PDSS2: variants seen among roughly 807,000 people sequenced by gnomAD.
PDSS2 encodes decaprenyl diphosphate synthase subunit 2, also known as all trans-polyprenyl-diphosphate synthase PDSS2.
PDSS2 carries 31 observed loss-of-function variants against 44.5 expected under a neutral mutation model. The ratio of observed to expected loss-of-function variants is 0.70; its 90% CI spans 0.52 to 0.94. The LOEUF is 0.94. PDSS2 is among the 40% of genes least tolerant of loss of function. The pLI, the probability that PDSS2 is intolerant of heterozygous loss-of-function variation, is 0.00. For missense variants in PDSS2, 452 were observed against 482.2 expected, an observed-to-expected ratio of 0.94 and a Z score of 0.59; for synonymous variants, 157 against 180.3, an observed-to-expected ratio of 0.87 and a Z score of 1.03.
rs775371289 is a variant in PDSS2, at chr6:107,225,135, TTTTATATATA to T, written c.703-12863_703-12854del. Among the ~76,000 whole-genome samples the T allele has an allele frequency of 5.2e-3, 189 of 36,454 alleles. 10 individuals carry two copies. The highest frequency in any genetic ancestry group is 0.017 in the South Asian group (13 of 746). The allele number at this position is 36,454 out of a possible 152,430, so 23.9% of individuals were successfully genotyped here. A position where few individuals can be genotyped will look rare whatever the true frequency, so the allele number is the denominator to read the frequency against. On this transcript the variant is annotated intron_variant, in intron 4 of 7. Transcript: ENST00000369037. ...GAAGGAAGCTTCACTATATATATATTTTTATATATATATATATATATATATATTTTTTTTT... is the reference window on the plus strand; with the variant it reads ...GAAGGAAGCTTCACTATATATATATTTATATATATATATATATTTTTTTTT...
intron 1 of PDSS2, 138 bp from the exon 2 acceptor site, chr6:107,334,470 A>T: frequency 1.3e-6 from 1 of 748,446 alleles, no homozygotes; most frequent in Non-Finnish European, 2.3e-6. Context: ...GTCAGGGAGG[A>T]AAATTAATGT....
chr6:107,171,964 C>T (rs527686580), intron 7 of PDSS2, among the ~76,000 whole-genome samples: 9 of 150,414 alleles, frequency 6.0e-5, no homozygotes, highest in East Asian at 1.9e-4. Context: ...ACAATAAATA[C>T]GAAAGGTGAA....
chr6:107,277,452 T>C (rs1204515532), intron 2 of PDSS2, among the ~76,000 whole-genome samples: 1 of 152,216 alleles, frequency 6.6e-6, no homozygotes, highest in Non-Finnish European at 1.5e-5. Context: ...GTCTATATTT[T>C]ACACATGCAA....
intron 1 of PDSS2, among the ~76,000 whole-genome samples, chr6:107,383,734 A>C (rs1779523806): frequency 6.6e-6 from 1 of 152,252 alleles, no homozygotes; most frequent in African/African-American, 2.4e-5. Context: ...AGCCACAATG[A>C]CACCAATTTA....
Position 107,444,831 on chromosome 6 carries a change from C to G in PDSS2, c.296+14159G>C, listed in dbSNP as rs59323012. Among the ~76,000 whole-genome samples the G allele has an allele frequency of 8.9e-3, 1,354 of 152,226 alleles. 51 individuals carry two copies. The East Asian group carries it at 0.12, about 13-fold the overall frequency. ...GTCCCTACAAAGGAATCAACACACC[C>G]TAAGAGAAGAGACTAAATGTCATAA... On this transcript the variant is annotated intron_variant, in intron 1 of 7. Transcript: ENST00000369037.
intron 1 of PDSS2, among the ~76,000 whole-genome samples, chr6:107,345,620 G>C (rs1316416699): frequency 6.6e-6 from 1 of 151,810 alleles, no homozygotes. Flanking sequence ...ATACTTTATA[G>C]AGTAACAGAT....
At chr6:107,214,616 G>C (rs1333327125) in intron 4 of PDSS2, among the ~76,000 whole-genome samples, 1 of 152,038 alleles carries the variant, frequency 6.6e-6, no homozygotes, top group African/African-American at 2.4e-5. Flanking sequence ...TTTTCTTCCT[G>C]CTCCTGATCC....
intron 7 of PDSS2, among the ~76,000 whole-genome samples, chr6:107,164,819 C>A (rs1387930127): frequency 6.6e-6 from 1 of 152,222 alleles, no homozygotes; most frequent in Non-Finnish European, 1.5e-5. Flanking sequence ...CACATCCTCT[C>A]CAGCACCTGT....
chr6:107,373,663 C>G (rs1779193129), intron 1 of PDSS2, among the ~76,000 whole-genome samples: 1 of 152,110 alleles, frequency 6.6e-6, no homozygotes, highest in African/African-American at 2.4e-5. Context: ...TTTTTCTTCT[C>G]CCTTAAGCCA....
chr6:107,292,254 T>C (rs947166376), intron 2 of PDSS2, among the ~76,000 whole-genome samples: 1 of 151,584 alleles, frequency 6.6e-6, no homozygotes, highest in African/African-American at 2.4e-5. Flanking sequence ...AAAACAAAAA[T>C]TCTCCCATAT....
chr6:107,370,903 G>T (rs186911068), intron 1 of PDSS2, among the ~76,000 whole-genome samples: 1 of 152,088 alleles, frequency 6.6e-6, no homozygotes, highest in African/African-American at 2.4e-5. Context: ...AATGTCAACC[G>T]GCCAGGAGCA....
chr6:107,394,201 C>T (rs1779870062), intron 1 of PDSS2, among the ~76,000 whole-genome samples: 2 of 151,998 alleles, frequency 1.3e-5, no homozygotes, highest in South Asian at 2.1e-4. Context: ...TCAAGTGGTT[C>T]TTCTAGGATT....
rs571031653 is a variant in PDSS2 at position 107,231,060 on chromosome 6, A to T, written c.702+14488T>A. Among the ~76,000 whole-genome samples the T allele has an allele frequency of 5.3e-4, 80 of 152,130 alleles. No individual in the cohort carries two copies. In the East Asian group the frequency reaches 7.2e-3, roughly 14 times the overall value. ...CCCATCTCTATTTAAATTAAAAAAA[A>T]TTTTTTTAAAGAATTCAGGAATGGC... is the stretch of plus-strand genomic sequence containing the variant. On this transcript the variant is annotated intron_variant, in intron 4 of 7. Coordinates refer to ENST00000369037, the MANE Select transcript of PDSS2 (RefSeq NM_020381.4).
intron 1 of PDSS2, among the ~76,000 whole-genome samples, chr6:107,382,933 T>C (rs549527133): frequency 1.7e-3 from 260 of 152,216 alleles, no homozygotes; most frequent in Non-Finnish European, 2.9e-3. Flanking sequence ...TTCCAATAAA[T>C]GGTATGGGGA....
At position 107,459,388 on chromosome 6, in the gene PDSS2, A is replaced by G; in HGVS notation, c.-103T>C. 1 of 936,944 alleles carries G rather than the reference A, an allele frequency of 1.1e-6. No individual in the cohort carries two copies. The highest frequency in any genetic ancestry group is 1.7e-6 in the Non-Finnish European group (1 of 602,768). The allele number at this position is 936,944 out of a possible 1,614,324, so 58.0% of individuals were successfully genotyped here. Reference sequence around the variant, plus strand: ...CTTACAGTAACTAAAAGGAAGCGGCAATTCTTGACCCTCAGAGTAAGGTGG... The same window carrying G: ...CTTACAGTAACTAAAAGGAAGCGGCGATTCTTGACCCTCAGAGTAAGGTGG... On this transcript the variant is annotated 5_prime_UTR_variant, in exon 1 of 8. Coordinates refer to ENST00000369037, the MANE Select transcript of PDSS2 (RefSeq NM_020381.4). This position sits in a 1 kb window ranked among gnomAD's most constrained non-coding sequence, Gnocchi z 4.3.
intron 1 of PDSS2, among the ~76,000 whole-genome samples, chr6:107,347,188 C>G (rs1002546506): frequency 6.6e-6 from 1 of 152,002 alleles, no homozygotes; most frequent in African/African-American, 2.4e-5. Flanking sequence ...CTGTGCCCTT[C>G]CGGTGGTCTG....
chr6:107,313,741 T>G (rs1777118662), intron 2 of PDSS2, among the ~76,000 whole-genome samples: 1 of 152,222 alleles, frequency 6.6e-6, no homozygotes, highest in Non-Finnish European at 1.5e-5. Context: ...ACATATTTTG[T>G]GGGCTTTTAA....
At chr6:107,368,573 G>A (rs1489266449) in intron 1 of PDSS2, among the ~76,000 whole-genome samples, 1 of 152,048 alleles carries the variant, frequency 6.6e-6, no homozygotes, top group Non-Finnish European at 1.5e-5. Flanking sequence ...GATAATGTGG[G>A]CCAGTCACGG....
intron 2 of PDSS2, among the ~76,000 whole-genome samples, chr6:107,292,015 CT>C (rs1186548054): frequency 1.3e-5 from 2 of 152,154 alleles, no homozygotes; most frequent in East Asian, 3.9e-4. Flanking sequence ...ACTGAGAGCT[CT>C]GTGTCTCTTT....
Sources: gnomAD v4.1 joint callset for allele counts (sites outside exome capture counted in the v4.1 genomes callset) on GRCh38, gnomAD v4.1.1 for gene constraint, Gnocchi (gnomAD v3.1) non-coding constraint, MANE v1.5 for transcripts, NCBI Gene and HGNC (gene_info 2026-07-23, HGNC 2026-07-21) for gene names.